GPC5: variants seen among roughly 807,000 people sequenced by gnomAD.
The protein encoded by GPC5 is glypican-5.
GPC5 carries 47 observed loss-of-function variants against 53.9 expected under a neutral mutation model. The observed-to-expected ratio is 0.87, with a 90% CI of 0.69 to 1.11. The LOEUF (loss-of-function observed/expected upper bound fraction) is 1.11, where lower values mean the gene tolerates loss of function less well. GPC5 is among the 50% of genes most tolerant of loss of function. The probability of loss-of-function intolerance (pLI) is 0.00; values close to 1 mark genes in which losing one functional copy is unlikely to be tolerated. For synonymous variants in GPC5, 286 were observed against 263.3 expected (o/e 1.09, Z -0.84); for missense variants, 748 against 713.1 (o/e 1.05, Z -0.56).
intron 1 of GPC5, among the ~76,000 whole-genome samples, chr13:91,439,560 T>C (rs554037406): frequency 1.3e-5 from 2 of 152,358 alleles, no homozygotes; most frequent in South Asian, 4.1e-4. Context: ...ACTGGATGTC[T>C]AATAGTCTTC....
chr13:91,735,490 T>C (rs1356055445), intron 4 of GPC5, among the ~76,000 whole-genome samples: 1 of 151,366 alleles, frequency 6.6e-6, no homozygotes, highest in East Asian at 1.9e-4. Flanking sequence ...AAGGATTTTA[T>C]AAAATCTTGT....
At chr13:92,754,742 C>T (rs941054047) in intron 7 of GPC5, among the ~76,000 whole-genome samples, 8 of 151,552 alleles carry the variant, frequency 5.3e-5, no homozygotes, top group East Asian at 1.9e-4. Flanking sequence ...AAGGCCATTA[C>T]ATAATGGTAA....
chr13:92,502,851 T>C (rs1880240481), intron 7 of GPC5, among the ~76,000 whole-genome samples: 1 of 151,946 alleles, frequency 6.6e-6, no homozygotes, highest in African/African-American at 2.4e-5. Context: ...TCAATTCTAA[T>C]TGACATTGGA....
intron 7 of GPC5, among the ~76,000 whole-genome samples, chr13:92,715,383 T>G (rs1042567336): frequency 6.6e-6 from 1 of 152,266 alleles, no homozygotes; most frequent in South Asian, 2.1e-4. Flanking sequence ...TTCCTCCTAT[T>G]TCTCCCTTTT....
At chr13:92,303,668 A>T (rs190392121) in intron 7 of GPC5, among the ~76,000 whole-genome samples, 1 of 152,314 alleles carries the variant, frequency 6.6e-6, no homozygotes, top group Admixed American at 6.5e-5. Flanking sequence ...ACACAAACCA[A>T]AAGCAGCTGA....
intron 5 of GPC5, among the ~76,000 whole-genome samples, chr13:91,759,150 C>T (rs116261790): frequency 0.014 from 2,118 of 152,100 alleles, 56 homozygotes; most frequent in African/African-American, 0.049. Context: ...TATTTGACGA[C>T]GAGAAAATTC....
intron 4 of GPC5, among the ~76,000 whole-genome samples, chr13:91,730,332 A>T (rs2036669444): frequency 6.6e-6 from 1 of 152,214 alleles, no homozygotes; most frequent in African/African-American, 2.4e-5. Context: ...ATTGAAATAG[A>T]TGAGCAATGT....
intron 7 of GPC5, among the ~76,000 whole-genome samples, chr13:92,265,750 G>T (rs755389924): frequency 6.6e-6 from 1 of 152,076 alleles, no homozygotes; most frequent in Non-Finnish European, 1.5e-5. Flanking sequence ...TTATAGCAGC[G>T]CCCCACTTCT....
intron 2 of GPC5, among the ~76,000 whole-genome samples, chr13:91,534,579 G>T (rs1050370713): frequency 6.6e-6 from 1 of 152,120 alleles, no homozygotes; most frequent in Non-Finnish European, 1.5e-5. Context: ...TTAATCCTCA[G>T]AAAGAAAAAA....
intron 7 of GPC5, among the ~76,000 whole-genome samples, chr13:92,547,023 T>C (rs2139010064): frequency 6.6e-6 from 1 of 152,292 alleles, no homozygotes; most frequent in East Asian, 1.9e-4. Context: ...TAATTCTAGA[T>C]GGATTAAAGA....
chr13:92,496,550 A>AACTTAGCC (rs1167596783), intron 7 of GPC5, among the ~76,000 whole-genome samples: 2 of 152,196 alleles, frequency 1.3e-5, no homozygotes, highest in African/African-American at 2.4e-5. Context: ...AATGAGGAGA[A>AACTTAGCC]ACTTAGCCAT....
intron 7 of GPC5, among the ~76,000 whole-genome samples, chr13:92,353,663 A>G (rs1434391655): frequency 5.3e-5 from 8 of 152,176 alleles, no homozygotes; most frequent in African/African-American, 1.9e-4. Context: ...ATATAAACAA[A>G]TAACCAGAAT....
intron 6 of GPC5, among the ~76,000 whole-genome samples, chr13:91,996,996 A>G (rs1231961556): frequency 6.6e-6 from 1 of 152,022 alleles, no homozygotes; most frequent in African/African-American, 2.4e-5. Context: ...TAATTATAAT[A>G]TATCCCATCT....
intron 1 of GPC5, among the ~76,000 whole-genome samples, chr13:91,411,831 A>G (rs1877816061): frequency 6.6e-6 from 1 of 152,170 alleles, no homozygotes; most frequent in African/African-American, 2.4e-5. Flanking sequence ...CACTTTATAT[A>G]CTTTAAATAT....
intron 7 of GPC5, among the ~76,000 whole-genome samples, chr13:92,176,058 T>G (rs2042107424): frequency 6.6e-6 from 1 of 152,188 alleles, no homozygotes; most frequent in Admixed American, 6.5e-5. Flanking sequence ...CTAGTGTTTG[T>G]TTTCCTCTAA....
chr13:91,533,315 T>C (rs1199830501), intron 2 of GPC5, among the ~76,000 whole-genome samples: 1 of 152,236 alleles, frequency 6.6e-6, no homozygotes, highest in Non-Finnish European at 1.5e-5. Flanking sequence ...AGGAGTGTTA[T>C]AATCATTGGG....
At chr13:91,577,066 C>T (rs1220140431) in intron 2 of GPC5, among the ~76,000 whole-genome samples, 1 of 152,154 alleles carries the variant, frequency 6.6e-6, no homozygotes, top group Non-Finnish European at 1.5e-5. Flanking sequence ...AAGAGCTCTA[C>T]TGCCCAGGCT....
intron 2 of GPC5, among the ~76,000 whole-genome samples, chr13:91,620,395 T>C (rs750820286): frequency 4.6e-5 from 7 of 152,126 alleles, no homozygotes; most frequent in Non-Finnish European, 7.4e-5. Context: ...TTTGCAAATG[T>C]TAATGTAAAT....
intron 6 of GPC5, among the ~76,000 whole-genome samples, chr13:91,931,645 T>C (rs2139032403): frequency 6.6e-6 from 1 of 152,122 alleles, no homozygotes; most frequent in East Asian, 1.9e-4. Context: ...AAGTTGAATG[T>C]CAGTCAGAAT....
Sources: allele counts gnomAD v4.1 joint callset (sites outside exome capture counted in the v4.1 genomes callset), GRCh38; gene constraint gnomAD v4.1.1; transcripts MANE v1.5; gene names NCBI Gene and HGNC (gene_info 2026-07-23, HGNC 2026-07-21).